The following OSBPL8 variants were observed in gnomAD, a reference collection of about 807,000 sequenced individuals.
OSBPL8 encodes the protein oxysterol binding protein like 8.
A neutral mutation model predicts 125.5 loss-of-function variants in OSBPL8; 59 were observed. The ratio of observed to expected loss-of-function variants is 0.47; its 90% confidence interval spans 0.38 to 0.58. The LOEUF is 0.58. OSBPL8 is among the 20% of genes least tolerant of loss of function. OSBPL8 has a pLI of 0.00. For synonymous variants in OSBPL8, 330 were observed against 338.9 expected, an observed-to-expected ratio of 0.97 and a Z score of 0.29; for missense variants, 758 against 1,047.8, an observed-to-expected ratio of 0.72 and a Z score of 3.82.
At chr12:76,504,434 A>G (rs929262551) in intron 1 of OSBPL8, among the ~76,000 whole-genome samples, 3 of 152,146 alleles carry the variant, frequency 2.0e-5, no homozygotes, top group African/African-American at 7.2e-5. Context: ...TGCCTTGGGG[A>G]TTATAGATGT....
chr12:76,436,709 G>A (rs1427211316), intron 4 of OSBPL8, among the ~76,000 whole-genome samples: 1 of 151,786 alleles, frequency 6.6e-6, no homozygotes, highest in African/African-American at 2.4e-5. Context: ...AGGAAAACAC[G>A]ACAGAAACCA....
chr12:76,531,203 A>G (rs776516603), intron 1 of OSBPL8, among the ~76,000 whole-genome samples: 2 of 152,212 alleles, frequency 1.3e-5, no homozygotes, highest in Non-Finnish European at 2.9e-5. Flanking sequence ...ATTGCCTTAT[A>G]AAACCACCAG....
rs527787416 is a variant in OSBPL8, at chr12:76,359,769, G to A, written c.2329-958C>T. ...ACCTCTGATAAAACCATCAGATCTCGTGAGACTTATTCACTACCACGAGAA... is the reference window on the plus strand; with the variant it reads ...ACCTCTGATAAAACCATCAGATCTCATGAGACTTATTCACTACCACGAGAA... On this transcript the variant is annotated intron_variant, in intron 21 of 23. Coordinates refer to ENST00000261183, the MANE Select transcript of OSBPL8 (RefSeq NM_020841.5). Among the ~76,000 whole-genome samples the A allele has an allele frequency of 8.5e-5, 13 of 152,284 alleles. No individual in the cohort carries two copies. The East Asian group carries it at 1.4e-3, about 16-fold the overall frequency.
rs374299664 is a variant in OSBPL8, at chr12:76,384,284, C to A, written c.1600G>T (p.Gly534Cys). Reference sequence around the variant, plus strand: ...AACTTAGACTTAGCCAGGATACTACCGCTAAGGCAAAATCCATCTTTTCGA... The same window carrying A: ...AACTTAGACTTAGCCAGGATACTACAGCTAAGGCAAAATCCATCTTTTCGA... The part of the protein sequence containing the change: ...SNRKDGFCLS[G>C]SILAKSKFYG... The change falls in exon 15 of 24, where the codon GGT becomes TGT. Residue 534 changes from glycine (G) to cysteine (C), a missense_variant. Around this residue, in one of 3 missense-constraint regions of OSBPL8, gnomAD observed 572 missense variants for 762.0 expected, o/e 0.75. Transcript: ENST00000261183. The A allele has an allele frequency of 4.5e-6, 7 of 1,562,364 alleles. No homozygotes were observed. The Admixed American group carries it at 1.0e-4, about 23-fold the overall frequency.
At chr12:76,409,210 T>C (rs1954405718) in intron 5 of OSBPL8, among the ~76,000 whole-genome samples, 1 of 152,176 alleles carries the variant, frequency 6.6e-6, no homozygotes. Flanking sequence ...ACCTTCTGCC[T>C]TTCTGCTCTG....
chr12:76,495,821 C>T (rs1015865994), intron 1 of OSBPL8, among the ~76,000 whole-genome samples: 1 of 152,188 alleles, frequency 6.6e-6, no homozygotes, highest in African/African-American at 2.4e-5. Context: ...AGTCTGAAGA[C>T]CTATCCTTCT....
Position 76,467,071 on chromosome 12 carries a change from T to C in OSBPL8, c.43-7176A>G, listed in dbSNP as rs537259201. ...TGGCCTGGTAGTTTTTCACACTTTA[T>C]ATCCTTCCTTTATGTATTTAAAGTC... On this transcript the variant is annotated intron_variant, in intron 2 of 23. Coordinates refer to ENST00000261183, the MANE Select transcript of OSBPL8 (RefSeq NM_020841.5). Among the ~76,000 whole-genome samples the C allele has an allele frequency of 7.2e-5, 11 of 152,360 alleles. No individual in the cohort carries two copies. The South Asian group carries it at 2.3e-3, about 32-fold the overall frequency.
chr12:76,439,770 A>G (rs1871960644), intron 4 of OSBPL8, among the ~76,000 whole-genome samples: 1 of 152,096 alleles, frequency 6.6e-6, no homozygotes, highest in African/African-American at 2.4e-5. Context: ...AAGTTTTTGA[A>G]ATTTATTGGC....
chr12:76,491,871 TAAC>T (rs1288903395), intron 1 of OSBPL8, among the ~76,000 whole-genome samples: 1 of 152,138 alleles, frequency 6.6e-6, no homozygotes, highest in African/African-American at 2.4e-5. Context: ...AACAACAAAA[TAAC>T]AAAATATCAT....
chr12:76,421,169 A>G (rs1157470870), intron 4 of OSBPL8, among the ~76,000 whole-genome samples: 1 of 152,086 alleles, frequency 6.6e-6, no homozygotes, highest in Non-Finnish European at 1.5e-5. Context: ...TTGTTGGCCT[A>G]AAAAATGCAA....
At chr12:76,438,392 T>C (rs1289520683) in intron 4 of OSBPL8, among the ~76,000 whole-genome samples, 3 of 151,466 alleles carry the variant, frequency 2.0e-5, no homozygotes, top group Admixed American at 2.0e-4. Flanking sequence ...AACATCAACC[T>C]TCCTGTACTC....
At chr12:76,461,455 G>GT (rs1463621587) in intron 2 of OSBPL8, among the ~76,000 whole-genome samples, 1 of 151,914 alleles carries the variant, frequency 6.6e-6, no homozygotes, top group African/African-American at 2.4e-5. Flanking sequence ...CCAGTCTTTC[G>GT]TTTTTTGTTT....
chr12:76,546,120 T>C (rs926410850), intron 1 of OSBPL8, among the ~76,000 whole-genome samples: 5 of 152,178 alleles, frequency 3.3e-5, no homozygotes, highest in Non-Finnish European at 5.9e-5. Context: ...TTGTGTTACG[T>C]TGGGGGTCCT....
At chr12:76,554,257 G>A (rs1208823278) in intron 1 of OSBPL8, among the ~76,000 whole-genome samples, 1 of 152,018 alleles carries the variant, frequency 6.6e-6, no homozygotes, top group African/African-American at 2.4e-5. Flanking sequence ...AAAAAATCAA[G>A]GCTATATTCC....
At chr12:76,473,718 T>G (rs1876459328) in intron 2 of OSBPL8, among the ~76,000 whole-genome samples, 1 of 152,220 alleles carries the variant, frequency 6.6e-6, no homozygotes, top group African/African-American at 2.4e-5. Context: ...AATTTCATAC[T>G]GTGTTAACAA....
rs1208095398 is a variant in OSBPL8, at chr12:76,524,642, GA to G, written c.-68+34754del. ...TTTTTGGCAAAAAGAAAAAAGAAAA[GA>G]AAATCAAAATTAATTCATATCAAGA... is the stretch of plus-strand genomic sequence containing the variant. On this transcript the variant is annotated intron_variant, in intron 1 of 23. Transcript: ENST00000261183. Among the ~76,000 whole-genome samples, 4 of 149,612 alleles carry G rather than the reference GA, an allele frequency of 2.7e-5. No individual in the cohort carries two copies. The South Asian group carries it at 8.4e-4, about 31-fold the overall frequency.
Position 76,492,708 on chromosome 12 carries a change from C to T in OSBPL8, c.-67-5090G>A, listed in dbSNP as rs1239307575. ...TGCCTGATGGTCTGTAACTGTCTCC[C>T]GTACCCTCAAGATGGACCATCTAGC... On this transcript the variant is annotated intron_variant, in intron 1 of 23. Transcript: ENST00000261183. 2.0e-5 allele frequency among the ~76,000 whole-genome samples: 3 copies of T among 152,266 alleles called. 1 individual carries two copies. Among genetic ancestry groups the T allele is most frequent in the South Asian group, 4.1e-4 (2 of 4,832 alleles).
At chr12:76,530,218 G>T (rs898696126) in intron 1 of OSBPL8, among the ~76,000 whole-genome samples, 7 of 132,400 alleles carry the variant, frequency 5.3e-5, no homozygotes, top group Non-Finnish European at 1.1e-4. Flanking sequence ...CACCGGGCCT[G>T]GCTTTTTTTT....
chr12:76,402,104 T>C (rs1954074126), intron 6 of OSBPL8, among the ~76,000 whole-genome samples: 1 of 152,136 alleles, frequency 6.6e-6, no homozygotes, highest in Non-Finnish European at 1.5e-5. Context: ...GGGATGCAAA[T>C]ACAAATATAT....
Sources: gnomAD v4.1 joint callset for allele counts (sites outside exome capture counted in the v4.1 genomes callset) on GRCh38, gnomAD v4.1.1 for gene constraint, gnomAD v4.1.1 regional missense constraint, MANE v1.5 for transcripts, NCBI Gene and HGNC (gene_info 2026-07-23, HGNC 2026-07-21) for gene names.